The following ZFHX4 variants were observed in gnomAD, a reference collection of about 807,000 sequenced individuals.
ZFHX4 encodes zinc finger homeobox 4.
Under a neutral mutation model 267.6 loss-of-function variants are expected in ZFHX4, and 56 were observed. The ratio of observed to expected loss-of-function variants is 0.21; its 90% CI spans 0.17 to 0.26. The LOEUF (loss-of-function observed/expected upper bound fraction) is 0.26, where lower values mean the gene tolerates loss of function less well. Among genes scored for constraint, ZFHX4 ranks in the 10% least tolerant of loss-of-function variants. ZFHX4 has a pLI of 1.00. For synonymous variants in ZFHX4, 1,778 were observed against 1,665.6 expected, an observed-to-expected ratio of 1.07 and a Z score of -1.64; for missense variants, 4,332 against 4,420.0, an observed-to-expected ratio of 0.98 and a Z score of 0.56.
intron 3 of ZFHX4, among the ~76,000 whole-genome samples, chr8:76,743,812 T>G (rs1585901800): frequency 6.6e-6 from 1 of 152,298 alleles, no homozygotes; most frequent in South Asian, 2.1e-4. Flanking sequence ...TTTCAGTAAC[T>G]TCCAAAGGCC....
At position 76,705,864 on chromosome 8, in the gene ZFHX4, C is replaced by A. The variant is rs771261702; in HGVS notation, c.1776C>A (p.Gly592=). 6.2e-7 allele frequency: 1 copy of A among 1,613,838 alleles called. No individual in the cohort carries two copies. The part of the protein sequence containing the change: ...EDSSATPHQH[G]FTPSTPGTPG... ...GTTCAGCCACTCCTCACCAGCATGG[C>A]TTTACCCCGAGTACTCCTGGCACAC... Residue 592 remains glycine, a synonymous_variant, in exon 2 of 11, where the codon GGC becomes GGA. Coordinates refer to ENST00000651372, the MANE Select transcript of ZFHX4 (RefSeq NM_024721.5).
intron 1 of ZFHX4, chr8:76,683,986 T>G (rs1807625812): frequency 6.6e-6 from 1 of 151,766 alleles, no homozygotes; most frequent in Non-Finnish European, 1.5e-5. Flanking sequence ...CATCAACACT[T>G]GTTTTACTTT....
At chr8:76,795,732 G>T (rs1170346686) in intron 4 of ZFHX4, among the ~76,000 whole-genome samples, 5 of 151,792 alleles carry the variant, frequency 3.3e-5, no homozygotes, top group Admixed American at 6.6e-5. Flanking sequence ...TAGAGACGGG[G>T]TTTCTCCATG....
At chr8:76,694,564 C>T (rs530453874) in intron 1 of ZFHX4, among the ~76,000 whole-genome samples, 1 of 151,922 alleles carries the variant, frequency 6.6e-6, no homozygotes, top group Non-Finnish European at 1.5e-5. Context: ...GACAGTCAGC[C>T]GGCTGGTTTG....
chr8:76,684,616 A>G (rs1028517845), intron 1 of ZFHX4, among the ~76,000 whole-genome samples: 1 of 152,262 alleles, frequency 6.6e-6, no homozygotes, highest in Non-Finnish European at 1.5e-5. Context: ...AAGAAAGGTC[A>G]GGTAAACCAG....
At chr8:76,818,264 T>C (rs1180990317) in intron 4 of ZFHX4, among the ~76,000 whole-genome samples, 1 of 152,190 alleles carries the variant, frequency 6.6e-6, no homozygotes, top group Non-Finnish European at 1.5e-5. Context: ...TTTGGCATTG[T>C]CCTTAGGGTT....
intron 1 of ZFHX4, among the ~76,000 whole-genome samples, chr8:76,684,228 G>A (rs1807633605): frequency 6.6e-6 from 1 of 151,632 alleles, no homozygotes; most frequent in African/African-American, 2.4e-5. Flanking sequence ...AGAGAATGAA[G>A]GTTTTCTTTT....
chr8:76,780,123 A>G (rs375759606), intron 4 of ZFHX4, among the ~76,000 whole-genome samples: 1 of 152,128 alleles, frequency 6.6e-6, no homozygotes, highest in Non-Finnish European at 1.5e-5. Flanking sequence ...CAGTGACTAT[A>G]AAATTGGAGT....
At chr8:76,826,196 C>T (rs373809508) in intron 4 of ZFHX4, among the ~76,000 whole-genome samples, 2 of 152,082 alleles carry the variant, frequency 1.3e-5, no homozygotes, top group South Asian at 2.1e-4. Context: ...GGGAAGGTCC[C>T]AGACTCTTTT....
intron 4 of ZFHX4, among the ~76,000 whole-genome samples, chr8:76,800,411 A>G (rs1811089038): frequency 6.6e-6 from 1 of 152,198 alleles, no homozygotes; most frequent in Non-Finnish European, 1.5e-5. Context: ...TTATTACCTC[A>G]GGAGCGAACT....
chr8:76,724,238 G>A (rs905070933), intron 3 of ZFHX4, among the ~76,000 whole-genome samples: 1 of 152,156 alleles, frequency 6.6e-6, no homozygotes, highest in Middle Eastern at 3.4e-3. Flanking sequence ...AAGGTTGCTT[G>A]TAGATCTTAA....
At chr8:76,733,798 G>A (rs983786067) in intron 3 of ZFHX4, among the ~76,000 whole-genome samples, 2 of 152,120 alleles carry the variant, frequency 1.3e-5, no homozygotes, top group South Asian at 2.1e-4. Context: ...CAGCTAATAT[G>A]AGACACATGC....
intron 1 of ZFHX4, among the ~76,000 whole-genome samples, chr8:76,695,114 T>C (rs1807923183): frequency 6.6e-6 from 1 of 151,952 alleles, no homozygotes; most frequent in Non-Finnish European, 1.5e-5. Context: ...ACAGAATTAG[T>C]TGGGAAAATG....
chr8:76,794,456 A>T (rs1198246519), intron 4 of ZFHX4, among the ~76,000 whole-genome samples: 2 of 152,178 alleles, frequency 1.3e-5, no homozygotes, highest in Non-Finnish European at 2.9e-5. Context: ...GTTCTCTTTC[A>T]TGTTTGACCA....
intron 5 of ZFHX4, among the ~76,000 whole-genome samples, chr8:76,839,343 G>A (rs1342550682): frequency 6.6e-6 from 1 of 152,048 alleles, no homozygotes; most frequent in Non-Finnish European, 1.5e-5. Flanking sequence ...AATGCTAGGG[G>A]AAGTTTGTTG....
At chr8:76,746,875 A>T (rs1487415931) in intron 3 of ZFHX4, among the ~76,000 whole-genome samples, 1 of 152,202 alleles carries the variant, frequency 6.6e-6, no homozygotes, top group Non-Finnish European at 1.5e-5. Flanking sequence ...CTTGGGAGCC[A>T]TTTTACTACA....
intron 4 of ZFHX4, among the ~76,000 whole-genome samples, chr8:76,785,091 T>C (rs1463618001): frequency 6.6e-6 from 1 of 152,012 alleles, no homozygotes; most frequent in African/African-American, 2.4e-5. Flanking sequence ...CTAAAAGAGT[T>C]TTTAATCATC....
chr8:76,764,958 C>A (rs568648168), intron 3 of ZFHX4, among the ~76,000 whole-genome samples: 1 of 152,250 alleles, frequency 6.6e-6, no homozygotes, highest in East Asian at 1.9e-4. Context: ...CAAATACAAC[C>A]TGCTGAGACA....
chr8:76,844,087 T>C (rs2626350), intron 6 of ZFHX4, among the ~76,000 whole-genome samples: 29,198 of 152,150 alleles, frequency 0.19, 3,434 homozygotes, highest in South Asian at 0.26. Flanking sequence ...GTAAGCTGGC[T>C]CCTGAAGTTA....
Sources: allele counts gnomAD v4.1 joint callset (sites outside exome capture counted in the v4.1 genomes callset), GRCh38; gene constraint gnomAD v4.1.1; transcripts MANE v1.5; gene names NCBI Gene and HGNC (gene_info 2026-07-23, HGNC 2026-07-21).